Variants in TMLHE observed in about 807,000 individuals in gnomAD.
The protein encoded by TMLHE is trimethyllysine hydroxylase, epsilon, also known as trimethyllysine dioxygenase, mitochondrial.
Under a neutral mutation model 25.7 loss-of-function variants are expected in TMLHE, and 18 were observed. That is an observed-to-expected ratio of 0.70 (90% CI 0.48 to 1.04). The LOEUF is 1.04. Ranked by LOEUF, TMLHE falls within the 50% of genes least tolerant of loss-of-function variation. The probability of loss-of-function intolerance (pLI) is 0.00; values close to 1 mark genes in which losing one functional copy is unlikely to be tolerated. For synonymous variants in TMLHE, 105 were observed against 97.0 expected (o/e 1.08, Z -0.49); for missense variants, 236 against 259.0 (o/e 0.91, Z 0.61).
chrX:155,521,973 A>G (rs1423144374), intron 3 of TMLHE, among the ~76,000 whole-genome samples: 2 of 105,280 alleles, frequency 1.9e-5, no homozygotes, highest in Non-Finnish European at 3.9e-5. Context: ...TGCAGAAATC[A>G]CCCGTCTTCT....
chrX:155,516,115 C>A (rs1454929956), intron 3 of TMLHE, among the ~76,000 whole-genome samples: 6 of 48,330 alleles, frequency 1.2e-4, no homozygotes, highest in African/African-American at 4.1e-4. Flanking sequence ...GCGCTGCACC[C>A]ACTAATGTGT....
intron 1 of TMLHE, among the ~76,000 whole-genome samples, chrX:155,605,092 G>A (rs1438769486): frequency 8.9e-6 from 1 of 111,960 alleles, no homozygotes; most frequent in Non-Finnish European, 1.9e-5. Flanking sequence ...ATAGAATTCA[G>A]AATGTGGATA....
chrX:155,574,739 C>G (rs1014870253), intron 1 of TMLHE, among the ~76,000 whole-genome samples: 1 of 111,061 alleles, frequency 9.0e-6, no homozygotes, highest in South Asian at 3.8e-4. Context: ...ACTTAGCACA[C>G]AGAACATCAA....
chrX:155,570,634 G>A lies in TMLHE; in HGVS notation c.-1-25357C>T, dbSNP rs1371096788. Among the ~76,000 whole-genome samples the A allele has an allele frequency of 5.3e-5, 3 of 56,972 alleles. 1 individual carries two copies. The highest frequency in any genetic ancestry group is 1.4e-4 in the Non-Finnish European group (3 of 21,916). 49.5% of individuals were successfully genotyped at this position (56,972 alleles called of 115,157 possible). ...AAAACAACAGAAATTATAACAAACT[G>A]TCTCTCAGACCACAGTGCAATCAAA... On this transcript the variant is annotated intron_variant, in intron 1 of 7. Transcript: ENST00000334398.
intron 2 of TMLHE, among the ~76,000 whole-genome samples, chrX:155,529,926 G>C (rs1302300227): frequency 9.0e-6 from 1 of 111,664 alleles, no homozygotes; most frequent in Non-Finnish European, 1.9e-5. Flanking sequence ...TCATTGCCAA[G>C]GCCAATGTCA....
intron 5 of TMLHE, 120 bp downstream of exon 5, chrX:155,511,553 G>A: frequency 4.2e-6 from 3 of 713,660 alleles, no homozygotes; most frequent in Non-Finnish European, 5.8e-6. Context: ...GGAAGAGAAA[G>A]TCATACAAAT....
intron 1 of TMLHE, among the ~76,000 whole-genome samples, chrX:155,582,004 C>T: frequency 9.0e-6 from 1 of 111,661 alleles, no homozygotes; most frequent in Non-Finnish European, 1.9e-5. Flanking sequence ...GAACAGAGCC[C>T]TCAGAAATAA....
chrX:155,609,150 A>G (rs1460884075), intron 1 of TMLHE, among the ~76,000 whole-genome samples: 2 of 112,383 alleles, frequency 1.8e-5, no homozygotes, highest in Admixed American at 9.4e-5. Context: ...AATGCCCATC[A>G]GTGGTATATG....
At chrX:155,575,589 G>A (rs1244572196) in intron 1 of TMLHE, among the ~76,000 whole-genome samples, 2 of 111,599 alleles carry the variant, frequency 1.8e-5, no homozygotes, top group African/African-American at 6.5e-5. Flanking sequence ...AAATAAGCAA[G>A]TTTCAAAGAA....
chrX:155,530,465 T>G (rs1259635448), intron 2 of TMLHE, among the ~76,000 whole-genome samples: 1 of 86,940 alleles, frequency 1.2e-5, no homozygotes, highest in African/African-American at 3.8e-5. Context: ...TGTAGAATGA[T>G]CAGATCTAGA....
At chrX:155,533,959 C>A (rs2067264119) in intron 2 of TMLHE, among the ~76,000 whole-genome samples, 1 of 111,444 alleles carries the variant, frequency 9.0e-6, no homozygotes, top group African/African-American at 3.3e-5. Flanking sequence ...ATCCATATTG[C>A]AAAGAATGAG....
At chrX:155,528,283 A>G (rs782696935) in intron 2 of TMLHE, among the ~76,000 whole-genome samples, 1 of 104,774 alleles carries the variant, frequency 9.5e-6, no homozygotes, top group East Asian at 3.0e-4. Context: ...TTCACCTCTC[A>G]GTATTTATTT....
chrX:155,548,659 C>T (rs782327637), intron 1 of TMLHE, among the ~76,000 whole-genome samples: 3 of 108,334 alleles, frequency 2.8e-5, no homozygotes, highest in Admixed American at 9.8e-5. Context: ...CGCTTGAACC[C>T]AGGAGGCAAA....
intron 1 of TMLHE, chrX:155,612,279 A>G (rs2067828022): frequency 8.9e-6 from 1 of 111,758 alleles, no homozygotes. Context: ...CAAAGGGTAA[A>G]ATCTGGGCAG....
intron 1 of TMLHE, among the ~76,000 whole-genome samples, chrX:155,555,458 C>T (rs2067445094): frequency 9.0e-6 from 1 of 110,566 alleles, no homozygotes; most frequent in South Asian, 3.7e-4. Context: ...ACCACACTGT[C>T]TTCCACAATG....
chrX:155,582,065 A>T (rs1486418107), intron 1 of TMLHE, among the ~76,000 whole-genome samples: 1 of 112,284 alleles, frequency 8.9e-6, no homozygotes, highest in Non-Finnish European at 1.9e-5. Flanking sequence ...CAAATACAAG[A>T]AATGGGGCAA....
intron 3 of TMLHE, among the ~76,000 whole-genome samples, chrX:155,524,036 G>A (rs1327182747): frequency 7.2e-5 from 8 of 111,548 alleles, no homozygotes; most frequent in African/African-American, 1.6e-4. Flanking sequence ...TAGTTTTCAC[G>A]GTTTTATTAT....
intron 1 of TMLHE, among the ~76,000 whole-genome samples, chrX:155,553,226 T>C (rs781929854): frequency 3.7e-4 from 41 of 110,644 alleles, no homozygotes; most frequent in Non-Finnish European, 7.4e-4. Context: ...AACTCTTCTA[T>C]ATAATTATTG....
chrX:155,548,691 TG>T (rs1856907554), intron 1 of TMLHE, among the ~76,000 whole-genome samples: 1 of 105,801 alleles, frequency 9.5e-6, no homozygotes, highest in Non-Finnish European at 1.9e-5. Context: ...GCTGAGATTG[TG>T]CCACTGCACT....
Sources: allele counts gnomAD v4.1 joint callset (sites outside exome capture counted in the v4.1 genomes callset), GRCh38; gene constraint gnomAD v4.1.1; transcripts MANE v1.5; gene names NCBI Gene and HGNC (gene_info 2026-07-23, HGNC 2026-07-21).